The following ZNF276 variants were observed in gnomAD, a reference collection of about 807,000 sequenced individuals.
ZNF276 encodes zinc finger protein 276, also known as centromere protein Z.
In ZNF276, 59 loss-of-function variants were observed where a neutral mutation model predicts 63.9. That is an observed-to-expected ratio of 0.92 (90% CI 0.75 to 1.15). ZNF276 has a LOEUF of 1.15. Ranked by LOEUF, ZNF276 falls within the 50% of genes most tolerant of loss-of-function variation. The pLI is 0.00. For missense variants in ZNF276, 1,084 were observed against 843.8 expected (o/e 1.28, Z -3.53); for synonymous variants, 496 against 348.4 (o/e 1.42, Z -4.72).
chr16:89,738,296 T>C lies in ZNF276; in HGVS notation c.*50T>C. The C allele has an allele frequency of 6.5e-7, 1 of 1,539,242 alleles. No individual in the cohort carries two copies. Among genetic ancestry groups the C allele is most frequent in the Non-Finnish European group, 8.7e-7 (1 of 1,143,482 alleles). On this transcript the variant is annotated 3_prime_UTR_variant, in exon 11 of 11. Transcript: ENST00000443381. ...CTAGCAGCCTGGACTCCGCAGTGGCTGTGTCAGCCTCACCCTTCGTGTGCA... is the reference window on the plus strand; with the variant it reads ...CTAGCAGCCTGGACTCCGCAGTGGCCGTGTCAGCCTCACCCTTCGTGTGCA...
chr16:89,737,703 G>A (rs2061985700), intron 9 of ZNF276, 103 bp from the exon 10 acceptor site: 3 of 1,582,860 alleles, frequency 1.9e-6, no homozygotes, highest in Admixed American at 1.7e-5. Flanking sequence ...TGAACCATGT[G>A]CAGAAATGTC....
intron 9 of ZNF276, among the ~76,000 whole-genome samples, chr16:89,735,899 G>GTT (rs869170268): frequency 3.7e-4 from 30 of 80,858 alleles, no homozygotes; most frequent in Middle Eastern, 4.2e-3. Flanking sequence ...TTGTTTGTTT[G>GTT]TTTGTTTTTT....
rs970766433 is a variant in ZNF276, at chr16:89,740,618, AGAGT to A, written c.*2376_*2379del. On this transcript the variant is annotated 3_prime_UTR_variant, in exon 11 of 11. Coordinates refer to ENST00000443381, the MANE Select transcript of ZNF276 (RefSeq NM_001113525.2). ...ACCACTGCACTCCAGCCTGGGTGAC[AGAGT>A]GAGACCCCCATCTCAAAAAAAAAAA... 3 of 606,338 alleles carry A rather than the reference AGAGT, an allele frequency of 4.9e-6. No individual in the cohort carries two copies. In the African/African-American group the frequency reaches 5.7e-5, roughly 11 times the overall value. The allele number at this position is 606,338 out of a possible 1,614,324, so 37.6% of individuals were successfully genotyped here. A position where few individuals can be genotyped will look rare whatever the true frequency, so the allele number is the denominator to read the frequency against.
rs2151709180 is a variant in ZNF276, at chr16:89,738,441, G to C, written c.*195G>C. 7.2e-7 allele frequency: 1 copy of C among 1,388,464 alleles called. No individual in the cohort carries two copies. The highest frequency in any genetic ancestry group is 1.3e-5 in the South Asian group (1 of 79,094). 86.0% of individuals were successfully genotyped at this position (1,388,464 alleles called of 1,614,324 possible). A position where few individuals can be genotyped will look rare whatever the true frequency, so the allele number is the denominator to read the frequency against. ...TGGTTTATTTTCCCGCAAACGCTGA[G>C]TGACTCGGGGCCGGACAGTTCATAA... On this transcript the variant is annotated 3_prime_UTR_variant, in exon 11 of 11. Coordinates refer to ENST00000443381, the MANE Select transcript of ZNF276 (RefSeq NM_001113525.2).
intron 2 of ZNF276, 60 bp from the exon 3 acceptor site, chr16:89,723,077 G>A (rs745396395): frequency 8.7e-6 from 14 of 1,612,230 alleles, no homozygotes; most frequent in Non-Finnish European, 1.2e-5. Flanking sequence ...GGTCCCGTAC[G>A]ACGAGCGCTG....
chr16:89,739,988 T>C lies in ZNF276; in HGVS notation c.*1742T>C, dbSNP rs2062087601. 1.2e-6 allele frequency: 2 copies of C among 1,614,086 alleles called. No individual in the cohort carries two copies. Among genetic ancestry groups the C allele is most frequent in the East Asian group, 2.2e-5 (1 of 44,878 alleles). On this transcript the variant is annotated 3_prime_UTR_variant, in exon 11 of 11. Transcript: ENST00000443381. ...CGCATTTGTGCCTCAGCAGCGTGTTTCTTACCACTCTCTGTCAACTGAAAG... is the reference window on the plus strand; with the variant it reads ...CGCATTTGTGCCTCAGCAGCGTGTTCCTTACCACTCTCTGTCAACTGAAAG...
intron 6 of ZNF276, among the ~76,000 whole-genome samples, chr16:89,729,829 T>G (rs2061588603): frequency 6.6e-6 from 1 of 152,166 alleles, no homozygotes; most frequent in Non-Finnish European, 1.5e-5. Flanking sequence ...TTCTGTGAGC[T>G]TGTTTTGACT....
At chr16:89,720,584 T>A (rs2061233122), upstream of ZNF276, 1 of 1,219,380 alleles carries the variant, frequency 8.2e-7, no homozygotes, top group Admixed American at 4.5e-5. Flanking sequence ...CTGTCCAAGG[T>A]CACTGCACGC....
In ZNF276 at chr16:89,723,272, C is replaced by T. The variant is rs1216618783; in HGVS notation, c.569C>T (p.Thr190Ile). Residue 190 changes from threonine (T) to isoleucine (I), a missense_variant, in exon 4 of 11, where the codon ACA (threonine) becomes ATA (isoleucine). Physicochemically the swap from Thr to Ile is moderately conservative, Grantham distance 89. Coordinates refer to ENST00000443381, the MANE Select transcript of ZNF276 (RefSeq NM_001113525.2). Reference protein sequence around the residue: ...EEGACLVDLITSSPQCLHGLV... With the variant: ...EEGACLVDLIISSPQCLHGLV... The stretch of plus-strand genomic sequence containing the variant: ...TGACTCTCTGCAGTGGATCTGATCA[C>T]ATCCAGCCCCCAGTGCCTGCACGGC... 1 of 1,612,964 alleles carries T rather than the reference C, an allele frequency of 6.2e-7. No individual in the cohort carries two copies. Among genetic ancestry groups the T allele is most frequent in the Admixed American group, 1.7e-5 (1 of 60,006 alleles).
intron 5 of ZNF276, among the ~76,000 whole-genome samples, chr16:89,728,016 A>C (rs1042894929): frequency 1.1e-4 from 17 of 152,080 alleles, no homozygotes; most frequent in African/African-American, 1.7e-4. Context: ...CTCTCCTGTA[A>C]ACCTTGGCTG....
rs79631587 is a variant in ZNF276, at chr16:89,722,665, G to A, written c.340G>A (p.Val114Ile). ...ERPSAEERVL[V>I]RDFQRLLGVA... ...GCCATCCGCAGAGGAGCGCGTGCTC[G>A]TACGGGACTTCCAGCGCCTGCTTGG... The change falls in exon 2 of 11, where the codon GTA becomes ATA. Residue 114 changes from valine to isoleucine, a missense_variant. Coordinates refer to ENST00000443381, the MANE Select transcript of ZNF276 (RefSeq NM_001113525.2). 3.8e-3 allele frequency: 6,070 copies of A among 1,612,232 alleles called. 130 individuals carry two copies. The highest frequency in any genetic ancestry group is 0.015 in the East Asian group (677 of 44,886).
rs980922566 is a variant in ZNF276 at position 89,733,302 on chromosome 16, A to T, written c.1170A>T (p.Lys390Asn). 2.5e-6 allele frequency: 4 copies of T among 1,609,552 alleles called. No homozygotes were observed. In the African/African-American group the frequency reaches 5.4e-5, roughly 22 times the overall value. The change falls in exon 7 of 11, where the codon AAA (lysine) becomes AAT (asparagine). Residue 390 changes from lysine to asparagine, a missense_variant and splice_region_variant. Transcript: ENST00000443381. ...DESFEPYPERKVSGKKSESKE... is the reference protein window; with the variant it reads ...DESFEPYPERNVSGKKSESKE... ...GAATTTGGGAACCTCTTTTTTTCAG[A>T]GTCTCTGGTAAGAAGAGTGAAAGCA...
rs1481439086 is a variant in ZNF276, at chr16:89,738,334, G to A, written c.*88G>A. 1 of 1,498,492 alleles carries A rather than the reference G, an allele frequency of 6.7e-7. No homozygotes were observed. The highest frequency in any genetic ancestry group is 8.9e-7 in the Non-Finnish European group (1 of 1,124,102). The allele number at this position is 1,498,492 out of a possible 1,614,324, so 92.8% of individuals were successfully genotyped here. On this transcript the variant is annotated 3_prime_UTR_variant, in exon 11 of 11. Coordinates refer to ENST00000443381, the MANE Select transcript of ZNF276 (RefSeq NM_001113525.2). ...CCCTTCGTGTGCACCCGCATGGGAGGGTCGGAGGGTGCTGCCCGCCCTTGG... is the reference window on the plus strand; with the variant it reads ...CCCTTCGTGTGCACCCGCATGGGAGAGTCGGAGGGTGCTGCCCGCCCTTGG...
At chr16:89,729,598 G>A (rs540303432) in intron 6 of ZNF276, among the ~76,000 whole-genome samples, 5 of 152,152 alleles carry the variant, frequency 3.3e-5, no homozygotes, top group East Asian at 1.9e-4. Context: ...TGTCTCTGTC[G>A]ACAGAACCCC....
rs758007567 is a variant in ZNF276 at position 89,729,331 on chromosome 16, C to G, written c.1169+13C>G. 2 of 1,613,386 alleles carry G rather than the reference C, an allele frequency of 1.2e-6. No individual in the cohort carries two copies. The highest frequency in any genetic ancestry group is 4.5e-5 in the East Asian group (2 of 44,886). On this transcript the variant is annotated intron_variant, in intron 6 of 10. Coordinates refer to ENST00000443381, the MANE Select transcript of ZNF276 (RefSeq NM_001113525.2). ...ACCCAGAAAGGAAGTAAGTGGGCAGCCCGGGGTCTGCTGGAGGCATCCGTT... is the reference window on the plus strand; with the variant it reads ...ACCCAGAAAGGAAGTAAGTGGGCAGGCCGGGGTCTGCTGGAGGCATCCGTT...
chr16:89,732,964 C>T (rs2061718073), intron 6 of ZNF276: 3 of 352,146 alleles, frequency 8.5e-6, no homozygotes, highest in Non-Finnish European at 1.6e-5. Flanking sequence ...GCTGTGCCCT[C>T]CCCCTCTGCT....
At chr16:89,731,349 G>A (rs1248538295) in intron 6 of ZNF276, among the ~76,000 whole-genome samples, 1 of 152,228 alleles carries the variant, frequency 6.6e-6, no homozygotes, top group Admixed American at 6.5e-5. Context: ...CGCCTCCCGA[G>A]TTCAAGTGAT....
intron 1 of ZNF276, 85 bp from the exon 2 acceptor site, chr16:89,722,446 G>A (rs2061325729): frequency 2.1e-6 from 3 of 1,446,786 alleles, no homozygotes; most frequent in Non-Finnish European, 2.8e-6. Flanking sequence ...CGCTGCAGGC[G>A]CTGCCCTCGG....
chr16:89,735,834 C>T (rs1226521455), intron 9 of ZNF276, among the ~76,000 whole-genome samples: 1 of 152,130 alleles, frequency 6.6e-6, no homozygotes, highest in Admixed American at 6.6e-5. Context: ...CCTGTCTCAG[C>T]CTCCTGAGTA....
Sources: gnomAD v4.1 joint callset for allele counts (sites outside exome capture counted in the v4.1 genomes callset) on GRCh38, gnomAD v4.1.1 for gene constraint, MANE v1.5 for transcripts, NCBI Gene and HGNC (gene_info 2026-07-23, HGNC 2026-07-21) for gene names.